The following HMGCLL1 variants were observed in gnomAD, a reference collection of about 807,000 sequenced individuals.
HMGCLL1 encodes the protein 3-hydroxymethyl-3-methylglutaryl-CoA lyase, cytoplasmic.
A neutral mutation model predicts 39.1 loss-of-function variants in HMGCLL1; 36 were observed. The ratio of observed to expected loss-of-function variants is 0.92; its 90% CI spans 0.71 to 1.22. The LOEUF (loss-of-function observed/expected upper bound fraction) is 1.22, where lower values mean the gene tolerates loss of function less well. Ranked by LOEUF, HMGCLL1 falls within the 50% of genes most tolerant of loss-of-function variation. HMGCLL1 has a pLI of 0.00. For missense variants in HMGCLL1, 451 were observed against 416.5 expected (o/e 1.08, Z -0.72); for synonymous variants, 149 against 144.0 (o/e 1.03, Z -0.25).
chr6:55,646,084 C>A, the HMGCLL1 span, among the ~76,000 whole-genome samples: 9 of 151,696 alleles, frequency 5.9e-5, no homozygotes, highest in Non-Finnish European at 1.3e-4. Flanking sequence ...TGTTACTGGT[C>A]TGTTCAGGTA....
chr6:55,495,298 G>A, intron 7 of HMGCLL1, 121 bp downstream of exon 7: 1 of 805,252 alleles, frequency 1.2e-6, no homozygotes, highest in Admixed American at 3.3e-5. Flanking sequence ...ACAGACACTG[G>A]TTAAAATTAG....
At chr6:55,672,770 A>G in the HMGCLL1 span, among the ~76,000 whole-genome samples, 7 of 152,096 alleles carry the variant, frequency 4.6e-5, no homozygotes, top group South Asian at 1.0e-3. Context: ...ATAAGAGACT[A>G]TATTCCACTT....
intron 3 of HMGCLL1, among the ~76,000 whole-genome samples, chr6:55,531,678 G>A (rs761032899): frequency 7.2e-5 from 11 of 152,092 alleles, no homozygotes; most frequent in Non-Finnish European, 1.2e-4. Context: ...CAGCAGGAGA[G>A]CAAGTGAAGT....
At chr6:55,664,126 C>G in the HMGCLL1 span, among the ~76,000 whole-genome samples, 5 of 151,706 alleles carry the variant, frequency 3.3e-5, no homozygotes, top group Non-Finnish European at 5.9e-5. Context: ...TTTTATGCAG[C>G]CTGTCATTCT....
At chr6:55,544,079 GA>G (rs1769810473) in intron 1 of HMGCLL1, among the ~76,000 whole-genome samples, 1 of 152,034 alleles carries the variant, frequency 6.6e-6, no homozygotes, top group Non-Finnish European at 1.5e-5. Context: ...CTCCCTGAAA[GA>G]CAGACCTATT....
At chr6:55,449,528 G>T (rs1021915006) in intron 7 of HMGCLL1, among the ~76,000 whole-genome samples, 1 of 152,132 alleles carries the variant, frequency 6.6e-6, no homozygotes, top group Non-Finnish European at 1.5e-5. Context: ...TATTCATTTC[G>T]AAGTGTGTTT....
Position 55,439,567 on chromosome 6 carries a change from A to ACAAAC in HMGCLL1, c.796-13_796-9dup. On this transcript the variant is annotated splice_polypyrimidine_tract_variant and intron_variant, in intron 7 of 8. Coordinates refer to ENST00000274901, the MANE Select transcript of HMGCLL1 (RefSeq NM_001042406.2). The stretch of plus-strand genomic sequence containing the variant: ...CACCACATTAATTCCCATCTGGAAA[A>ACAAAC]CAAACCAAACCACCTAAAGCTTGTG... 5.6e-6 allele frequency: 9 copies of ACAAAC among 1,611,570 alleles called. No homozygotes were observed. The highest frequency in any genetic ancestry group is 7.6e-6 in the Non-Finnish European group (9 of 1,178,378).
intron 7 of HMGCLL1, among the ~76,000 whole-genome samples, chr6:55,474,185 T>C (rs1413339879): frequency 6.6e-6 from 1 of 151,586 alleles, no homozygotes; most frequent in Admixed American, 6.6e-5. Context: ...GATTATTGCT[T>C]CAAATATTTA....
chr6:55,560,734 T>C (rs1272218379), intron 1 of HMGCLL1, among the ~76,000 whole-genome samples: 2 of 152,166 alleles, frequency 1.3e-5, no homozygotes, highest in Non-Finnish European at 2.9e-5. Context: ...CAGACTGTGA[T>C]TCCAGCACAC....
intron 3 of HMGCLL1, among the ~76,000 whole-genome samples, chr6:55,525,723 A>T (rs1379775913): frequency 6.6e-6 from 1 of 151,918 alleles, no homozygotes; most frequent in African/African-American, 2.4e-5. Flanking sequence ...ATTGGCCCCA[A>T]TGAACCAAAA....
At chr6:55,583,793 G>T (rs1249457784), upstream of HMGCLL1, among the ~76,000 whole-genome samples, 1 of 152,076 alleles carries the variant, frequency 6.6e-6, no homozygotes, top group Non-Finnish European at 1.5e-5. Context: ...ATATCTAATG[G>T]ATTTAATTTG....
At chr6:55,495,842 T>C (rs1468117856) in intron 6 of HMGCLL1, among the ~76,000 whole-genome samples, 1 of 152,148 alleles carries the variant, frequency 6.6e-6, no homozygotes, top group East Asian at 1.9e-4. Context: ...TGCCTTAGAG[T>C]CATATCTACC....
At chr6:55,543,160 T>TATATTATATATATA (rs1769608730) in intron 1 of HMGCLL1, among the ~76,000 whole-genome samples, 1 of 6,230 alleles carries the variant, frequency 1.6e-4, no homozygotes, top group African/African-American at 3.0e-4. Context: ...ATATATATTA[T>TATATTATATATATA]ATATATAATA....
intron 7 of HMGCLL1, among the ~76,000 whole-genome samples, chr6:55,468,118 G>A (rs1027201506): frequency 1.3e-5 from 2 of 151,934 alleles, no homozygotes; most frequent in African/African-American, 2.4e-5. Context: ...ACCTAACAAG[G>A]GTTGGGATCT....
chr6:55,498,642 T>A (rs1766710857), intron 6 of HMGCLL1, among the ~76,000 whole-genome samples: 1 of 152,122 alleles, frequency 6.6e-6, no homozygotes, highest in African/African-American at 2.4e-5. Context: ...TCAAAGACAG[T>A]GCATTTTGTA....
chr6:55,511,364 C>T (rs767484405), intron 5 of HMGCLL1, among the ~76,000 whole-genome samples: 23 of 151,936 alleles, frequency 1.5e-4, no homozygotes, highest in South Asian at 4.2e-4. Context: ...CAGTTCTGAG[C>T]GTGTGTTAAA....
intron 7 of HMGCLL1, among the ~76,000 whole-genome samples, chr6:55,445,958 A>G (rs1279231045): frequency 1.3e-5 from 2 of 152,036 alleles, no homozygotes; most frequent in Non-Finnish European, 2.9e-5. Context: ...ATTTAAAATA[A>G]GGACACTCTT....
At chr6:55,532,610 G>A (rs1279510572) in intron 3 of HMGCLL1, among the ~76,000 whole-genome samples, 1 of 151,854 alleles carries the variant, frequency 6.6e-6, no homozygotes, top group African/African-American at 2.4e-5. Flanking sequence ...AGACCAGCCT[G>A]GCCAAGATGG....
At chr6:55,546,340 T>C (rs572930142) in intron 1 of HMGCLL1, among the ~76,000 whole-genome samples, 1 of 152,282 alleles carries the variant, frequency 6.6e-6, no homozygotes, top group African/African-American at 2.4e-5. Flanking sequence ...TGTAGAAGCC[T>C]ATTTTAAAGC....
Sources: gnomAD v4.1 joint callset for allele counts (sites outside exome capture counted in the v4.1 genomes callset) on GRCh38, gnomAD v4.1.1 for gene constraint, MANE v1.5 for transcripts, NCBI Gene and HGNC (gene_info 2026-07-23, HGNC 2026-07-21) for gene names.